PTPN3: variants seen among roughly 807,000 people sequenced by gnomAD.
PTPN3 encodes tyrosine-protein phosphatase non-receptor type 3.
Under a neutral mutation model 132.7 loss-of-function variants are expected in PTPN3, and 96 were observed. The observed-to-expected ratio is 0.72, with a 90% CI of 0.61 to 0.86. PTPN3 has a LOEUF of 0.86. Among genes scored for constraint, PTPN3 ranks in the 40% least tolerant of loss-of-function variants. The pLI is 0.00. For synonymous variants in PTPN3, 398 were observed against 429.0 expected, an observed-to-expected ratio of 0.93 and a Z score of 0.89; for missense variants, 1,125 against 1,159.6, an observed-to-expected ratio of 0.97 and a Z score of 0.43.
chr9:109,500,894 CT>C (rs1403030837), upstream of PTPN3, among the ~76,000 whole-genome samples: 3 of 146,532 alleles, frequency 2.0e-5, no homozygotes, highest in East Asian at 2.1e-4. Context: ...ACCATTTGTA[CT>C]TCAGCCTGTA....
At position 109,379,363 on chromosome 9, in the gene PTPN3, T is replaced by A. The variant is rs1364470010; in HGVS notation, c.*193A>T. 3.4e-6 allele frequency: 2 copies of A among 587,112 alleles called. No homozygotes were observed. Among genetic ancestry groups the A allele is most frequent in the African/African-American group, 3.7e-5 (2 of 53,402 alleles). The allele number at this position is 587,112 out of a possible 1,614,324, so 36.4% of individuals were successfully genotyped here. ...AGAAATACAGGCCTAAATGATGCCA[T>A]AATTGCATGCTTATCTACACCAGTT... On this transcript the variant is annotated 3_prime_UTR_variant, in exon 26 of 26. Transcript: ENST00000374541.
chr9:109,474,855 G>A (rs1270030738), intron 1 of PTPN3, among the ~76,000 whole-genome samples: 4 of 152,094 alleles, frequency 2.6e-5, no homozygotes, highest in Admixed American at 2.6e-4. Context: ...CACTTACTGA[G>A]ATTAACTTCG....
intron 18 of PTPN3, among the ~76,000 whole-genome samples, chr9:109,405,375 G>A (rs2131725787): frequency 6.6e-6 from 1 of 152,294 alleles, no homozygotes; most frequent in East Asian, 1.9e-4. Flanking sequence ...TGGAGTGTCA[G>A]CCAAACGTGT....
the PTPN3 span, among the ~76,000 whole-genome samples, chr9:109,506,524 C>T: frequency 1.3e-5 from 2 of 149,944 alleles, no homozygotes; most frequent in Non-Finnish European, 3.0e-5. Context: ...TCTTTCCTTC[C>T]TTCCTCCCTC....
Position 109,420,577 on chromosome 9 carries a change from T to G in PTPN3, c.1160A>C (p.Glu387Ala). 2 of 1,611,140 alleles carry G rather than the reference T, an allele frequency of 1.2e-6. No homozygotes were observed. The highest frequency in any genetic ancestry group is 3.3e-5 in the Admixed American group (2 of 59,998). ...AGAAGAGTGGCGTGGCTTTCGGATTTCGTGCCGGAGCCGAGGACTTCGCCT... is the reference window on the plus strand; with the variant it reads ...AGAAGAGTGGCGTGGCTTTCGGATTGCGTGCCGGAGCCGAGGACTTCGCCT... ...PNWRSPRLRH[E>A]IRKPRHSSAD... Residue 387 changes from glutamate (E) to alanine (A), a missense_variant, in exon 14 of 26, where the codon GAA becomes GCA. Coordinates refer to ENST00000374541, the MANE Select transcript of PTPN3 (RefSeq NM_002829.4).
At chr9:109,422,600 C>T in intron 13 of PTPN3, 118 bp downstream of exon 13, 1 of 1,246,258 alleles carries the variant, frequency 8.0e-7, no homozygotes, top group Non-Finnish European at 1.1e-6. Context: ...TGCCAAGAGC[C>T]TAAAATGCAA....
At chr9:109,401,040 C>A (rs1383285660) in intron 19 of PTPN3, among the ~76,000 whole-genome samples, 1 of 152,218 alleles carries the variant, frequency 6.6e-6, no homozygotes, top group East Asian at 1.9e-4. Flanking sequence ...CTGCTTTCAT[C>A]TGTTCTGTAT....
At chr9:109,495,180 C>A (rs1025522265) in intron 1 of PTPN3, among the ~76,000 whole-genome samples, 5 of 152,206 alleles carry the variant, frequency 3.3e-5, no homozygotes, top group Non-Finnish European at 7.3e-5. Flanking sequence ...GGCTACTGCA[C>A]CCCCACCAGC....
At chr9:109,411,124 T>C (rs1842048032) in intron 14 of PTPN3, among the ~76,000 whole-genome samples, 1 of 152,232 alleles carries the variant, frequency 6.6e-6, no homozygotes, top group Non-Finnish European at 1.5e-5. Flanking sequence ...GGCTCCCGTA[T>C]GAGACAGTGC....
rs1046788773 is a variant in PTPN3 at position 109,445,386 on chromosome 9, C to T, written c.414-94G>A. 8.8e-5 allele frequency: 100 copies of T among 1,134,576 alleles called. 1 individual carries two copies. The Admixed American group carries it at 1.8e-3, about 21-fold the overall frequency. 70.3% of individuals were successfully genotyped at this position (1,134,576 alleles called of 1,614,324 possible). On this transcript the variant is annotated intron_variant, in intron 6 of 25. Transcript: ENST00000374541. ...GCGTAGTAACACATGTCTTTCTTTG[C>T]TTTGATCAACCATTACAAAACAACA... is the stretch of plus-strand genomic sequence containing the variant.
rs1032516473 is a variant in PTPN3 at position 109,410,413 on chromosome 9, C to A, written c.1316G>T (p.Ser439Ile). The A allele has an allele frequency of 6.2e-7, 1 of 1,613,898 alleles. No individual in the cohort carries two copies. The highest frequency in any genetic ancestry group is 1.6e-4 in the Middle Eastern group (1 of 6,062). Residue 439 changes from serine (S) to isoleucine (I), a missense_variant and splice_region_variant, in exon 15 of 26, where the codon AGT (serine) becomes ATT (isoleucine). Coordinates refer to ENST00000374541, the MANE Select transcript of PTPN3 (RefSeq NM_002829.4). Reference sequence around the variant, plus strand: ...TTGTGCCGGATTGTTCTCGGATAAACTCCTTCATCATGGGGAAGGAGGAGA... The same window carrying A: ...TTGTGCCGGATTGTTCTCGGATAAAATCCTTCATCATGGGGAAGGAGGAGA... ...VSQNRSPHQE[S>I]LSENNPAQSY... is the part of the protein sequence containing the mutation.
chr9:109,478,428 G>A (rs148591756), intron 1 of PTPN3, among the ~76,000 whole-genome samples: 1 of 152,166 alleles, frequency 6.6e-6, no homozygotes, highest in African/African-American at 2.4e-5. Context: ...CTGTGGCTGG[G>A]TGTTCAGATG....
chr9:109,518,330 C>G, the PTPN3 span, among the ~76,000 whole-genome samples: 2 of 152,210 alleles, frequency 1.3e-5, no homozygotes, highest in African/African-American at 4.8e-5. Context: ...TGGCACCCAC[C>G]TCCTGCAGAG....
chr9:109,416,626 T>C (rs1432438673), intron 14 of PTPN3, among the ~76,000 whole-genome samples: 2 of 151,966 alleles, frequency 1.3e-5, no homozygotes, highest in Non-Finnish European at 2.9e-5. Flanking sequence ...TTGCATTTTT[T>C]TGTAGAAATG....
In PTPN3 at chr9:109,376,848, CTT is replaced by C. The variant is rs962942580; in HGVS notation, c.*2706_*2707del. The C allele has an allele frequency of 3.9e-5, 6 of 152,206 alleles. No homozygotes were observed. The highest frequency in any genetic ancestry group is 9.6e-5 in the African/African-American group (4 of 41,458). The allele number at this position is 152,206 out of a possible 1,614,324, so 9.4% of individuals were successfully genotyped here. The stretch of plus-strand genomic sequence containing the variant: ...ATTGTTTGCTCTTTTAGGTAATTCT[CTT>C]GTCTTGTTCTTCCCAGTATTTCCTG... On this transcript the variant is annotated 3_prime_UTR_variant, in exon 26 of 26. Transcript: ENST00000374541.
intron 10 of PTPN3, chr9:109,429,147 AT>A: frequency 2.8e-6 from 2 of 701,816 alleles, no homozygotes; most frequent in Non-Finnish European, 3.5e-6. Context: ...TTAACTGAAC[AT>A]TTTTTAGATA....
chr9:109,499,901 C>G (rs1458629872), upstream of PTPN3, among the ~76,000 whole-genome samples: 5 of 152,164 alleles, frequency 3.3e-5, no homozygotes, highest in Admixed American at 3.3e-4. Context: ...GGAGCCGCGG[C>G]GCCCGCTCAG....
intron 5 of PTPN3, among the ~76,000 whole-genome samples, chr9:109,452,807 C>T (rs78978964): frequency 0.039 from 5,967 of 152,232 alleles, 325 homozygotes; most frequent in East Asian, 0.29. Context: ...GTGACCCTCC[C>T]GCCTTGGGTT....
chr9:109,456,852 C>G (rs1203582940), intron 4 of PTPN3, among the ~76,000 whole-genome samples: 1 of 152,160 alleles, frequency 6.6e-6, no homozygotes, highest in Non-Finnish European at 1.5e-5. Context: ...TCTTGTCCAC[C>G]CTGGCTCTCA....
Sources: allele counts gnomAD v4.1 joint callset (sites outside exome capture counted in the v4.1 genomes callset), GRCh38; gene constraint gnomAD v4.1.1; transcripts MANE v1.5; gene names NCBI Gene and HGNC (gene_info 2026-07-23, HGNC 2026-07-21).